The following TTN variants were observed in gnomAD, a reference collection of about 807,000 sequenced individuals.
The protein encoded by TTN is connectin.
TTN carries 1,525 observed loss-of-function variants against 3,223.0 expected under a neutral mutation model. The observed-to-expected ratio is 0.47, with a 90% CI of 0.45 to 0.49. The LOEUF (loss-of-function observed/expected upper bound fraction) is 0.49. TTN is among the 20% of genes least tolerant of loss of function. TTN has a pLI of 0.00. For synonymous variants in TTN, 14,094 were observed against 15,161.0 expected, an observed-to-expected ratio of 0.93 and a Z score of 5.17; for missense variants, 40,786 against 43,424.0, an observed-to-expected ratio of 0.94 and a Z score of 5.40.
In TTN at chr2:178,555,042, CAAT is replaced by C; in HGVS notation, c.88414_88416del (p.Ile29472del). On this transcript the variant is annotated inframe_deletion, in exon 331 of 363. Coordinates refer to ENST00000589042, the MANE Select transcript of TTN (RefSeq NM_001267550.2). ...AATTCTTTATCATCTTTATACCACT[CAAT>C]AGTAGGCGCAGGTTTGCCAGAAATG... The C allele has an allele frequency of 6.2e-7, 1 of 1,613,692 alleles. No homozygotes were observed. Among genetic ancestry groups the C allele is most frequent in the South Asian group, 1.1e-5 (1 of 91,072 alleles).
At position 178,535,204 on chromosome 2, in the gene TTN, A is replaced by T; in HGVS notation, c.101411T>A (p.Met33804Lys). The T allele has an allele frequency of 3.7e-6, 6 of 1,613,944 alleles. No individual in the cohort carries two copies. Among genetic ancestry groups the T allele is most frequent in the Non-Finnish European group, 5.1e-6 (6 of 1,179,852 alleles). ...EEVDETREVS[M>K]TKASHSSTKE... ...GGTTGAAGAGTGAGATGCTTTAGTC[A>T]TGGAGACTTCCCTGGTTTCATCTAC... Residue 33804 changes from methionine to lysine, a missense_variant, in exon 358 of 363, where the codon ATG becomes AAG. Met to Lys is a moderately conservative substitution (Grantham distance 95). Coordinates refer to ENST00000589042, the MANE Select transcript of TTN (RefSeq NM_001267550.2).
intron 79 of TTN, 115 bp downstream of exon 79, chr2:178,720,806 G>C: frequency 7.2e-7 from 1 of 1,390,828 alleles, no homozygotes; most frequent in Non-Finnish European, 9.5e-7. Context: ...ATTAAAACTT[G>C]TTGAAGAATT....
intron 203 of TTN, 41 bp downstream of exon 203, chr2:178,652,223 C>T: frequency 6.2e-7 from 1 of 1,612,694 alleles, no homozygotes. Flanking sequence ...AAAGTAAAGA[C>T]AAACAAACAA....
Position 178,734,764 on chromosome 2 carries a change from A to G in TTN, c.15160T>C (p.Cys5054Arg). The change falls in exon 51 of 363, where the codon TGT becomes CGT. Residue 5054 changes from cysteine to arginine, a missense_variant. Transcript: ENST00000589042. ...CTGCCGACGTCATTCACTGCTTCAC[A>G]TGAGTAACTCCCACTGTCTTCAACT... ...VKVEDSGSYS[C>R]EAVNDVGSDS... 6.2e-7 allele frequency: 1 copy of G among 1,613,624 alleles called. No individual in the cohort carries two copies. The highest frequency in any genetic ancestry group is 8.5e-7 in the Non-Finnish European group (1 of 1,179,640).
intron 69 of TTN, chr2:178,726,580 A>T (rs528588158): frequency 6.6e-6 from 1 of 152,606 alleles, no homozygotes; most frequent in Admixed American, 6.6e-5. Flanking sequence ...CACAGATACT[A>T]TTTGTACCAA....
chr2:178,800,786 C>T (rs1480992271), intron 3 of TTN, 104 bp from the exon 4 acceptor site: 1 of 1,293,318 alleles, frequency 7.7e-7, no homozygotes, highest in Non-Finnish European at 1.1e-6. Context: ...TGATGACTCG[C>T]CAATCTAAAC....
At chr2:178,804,515 A>AG in intron 2 of TTN, 37 bp downstream of exon 2, 1 of 1,593,758 alleles carries the variant, frequency 6.3e-7, no homozygotes, top group Non-Finnish European at 8.6e-7. Context: ...GAGGAGGCAA[A>AG]GGAAAAAAAA....
intron 10 of TTN, 134 bp downstream of exon 10, chr2:178,791,938 A>G (rs2093526292): frequency 1.1e-6 from 1 of 895,550 alleles, no homozygotes; most frequent in Admixed American, 2.7e-5. Context: ...TCAATACTAG[A>G]CATAGAGGAA....
Position 178,577,330 on chromosome 2 carries a change from G to A in TTN, c.69005C>T (p.Ser23002Phe), listed in dbSNP as rs1469065762. 5 of 1,612,860 alleles carry A rather than the reference G, an allele frequency of 3.1e-6. No homozygotes were observed. In the South Asian group the frequency reaches 4.4e-5, roughly 14 times the overall value. Residue 23002 changes from serine to phenylalanine, a missense_variant, in exon 324 of 363, where the codon TCT (serine) becomes TTT (phenylalanine). Coordinates refer to ENST00000589042, the MANE Select transcript of TTN (RefSeq NM_001267550.2). ...DITQITSTPT[S>F]SMLTIKYATR... ...GGCATACTTGATAGTAAGCATGGAA[G>A]ATGTTGGGGTTGAAGTTATCTGAGT... is the stretch of plus-strand genomic sequence containing the variant.
In TTN at chr2:178,558,608, C is replaced by A; in HGVS notation, c.86851G>T (p.Val28951Leu). 6.2e-7 allele frequency: 1 copy of A among 1,612,352 alleles called. No individual in the cohort carries two copies. Among genetic ancestry groups the A allele is most frequent in the Non-Finnish European group, 8.5e-7 (1 of 1,179,530 alleles). Residue 28951 changes from valine to leucine, a missense_variant, in exon 327 of 363, where the codon GTA (valine) becomes TTA (leucine). Coordinates refer to ENST00000589042, the MANE Select transcript of TTN (RefSeq NM_001267550.2). ...EKPSPPEKLG[V>L]TSISKDSVSL... Reference sequence around the variant, plus strand: ...ACACTGTCTTTGGATATACTTGTTACTCCAAGTTTTTCAGGTGGGCTTGGT... The same window carrying A: ...ACACTGTCTTTGGATATACTTGTTAATCCAAGTTTTTCAGGTGGGCTTGGT...
chr2:178,765,198 G>A (rs1176842657), intron 41 of TTN, among the ~76,000 whole-genome samples: 1 of 152,188 alleles, frequency 6.6e-6, no homozygotes, highest in South Asian at 2.1e-4. Flanking sequence ...GTGGTGAAGA[G>A]GCTCATATCA....
rs1060500416 is a variant in TTN, at chr2:178,603,987, G to T, written c.54700C>A (p.Pro18234Thr). The T allele has an allele frequency of 6.2e-7, 1 of 1,612,616 alleles. No individual in the cohort carries two copies. The highest frequency in any genetic ancestry group is 1.3e-5 in the African/African-American group (1 of 74,792). Residue 18234 changes from proline to threonine, a missense_variant, in exon 282 of 363, where the codon CCT becomes ACT. Pro to Thr is a conservative substitution (Grantham distance 38). Coordinates refer to ENST00000589042, the MANE Select transcript of TTN (RefSeq NM_001267550.2). The part of the protein sequence containing the change: ...VGLKGVEFNV[P>T]RLLEGVKYQF... Reference sequence around the variant, plus strand: ...TATTTAACGCCTTCAAGCAAACGAGGAACATTAAATTCCACGCCTTTCAAT... The same window carrying T: ...TATTTAACGCCTTCAAGCAAACGAGTAACATTAAATTCCACGCCTTTCAAT...
intron 47 of TTN, chr2:178,747,141 G>C: frequency 1.2e-6 from 2 of 1,605,944 alleles, no homozygotes; most frequent in Non-Finnish European, 1.7e-6. Context: ...TCTCCTGGGG[G>C]TGTGGAATAT....
In TTN at chr2:178,649,534, G is replaced by T. The variant is rs1156423023; in HGVS notation, c.39973+20C>A. 6.5e-7 allele frequency: 1 copy of T among 1,544,160 alleles called. No homozygotes were observed. Among genetic ancestry groups the T allele is most frequent in the Non-Finnish European group, 8.7e-7 (1 of 1,142,996 alleles). ...ATCAGAATACTTTCTTTTTTATGAT[G>T]CCAACGATGAAGTGAATACCTTTAG... is the stretch of plus-strand genomic sequence containing the variant. On this transcript the variant is annotated intron_variant, in intron 212 of 362. Coordinates refer to ENST00000589042, the MANE Select transcript of TTN (RefSeq NM_001267550.2).
chr2:178,733,921 A>T lies in TTN; in HGVS notation c.15497-29T>A, dbSNP rs6736308. ...GTTAAGGAAAGAGAGCATATAAAAC[A>T]TATCAATTCCCAAACACTTTCAACA... On this transcript the variant is annotated intron_variant, in intron 52 of 362. Coordinates refer to ENST00000589042, the MANE Select transcript of TTN (RefSeq NM_001267550.2). 8.0e-5 allele frequency: 123 copies of T among 1,536,370 alleles called. No individual in the cohort carries two copies. In the African/African-American group the frequency reaches 1.6e-3, roughly 20 times the overall value.
intron 214 of TTN, 90 bp downstream of exon 214, chr2:178,647,287 TACAG>T (rs2062164272): frequency 3.5e-6 from 5 of 1,422,716 alleles, no homozygotes; most frequent in Non-Finnish European, 4.8e-6. Context: ...ATAACTTCAA[TACAG>T]ACAGACAAAT....
Position 178,592,178 on chromosome 2 carries a change from A to G in TTN, c.59726T>C (p.Ile19909Thr), listed in dbSNP as rs775088892. The stretch of plus-strand genomic sequence containing the variant: ...TCTCCTCTCAACCACATAATTGGTA[A>G]TAACAGAACCACCATCATCCAGTGG... ...KEPLDDGGSV[I>T]TNYVVERRDV... Residue 19909 changes from isoleucine (I) to threonine (T), a missense_variant, in exon 302 of 363, where the codon ATT (isoleucine) becomes ACT (threonine). Transcript: ENST00000589042. 8.1e-6 allele frequency: 13 copies of G among 1,612,656 alleles called. No individual in the cohort carries two copies. The highest frequency in any genetic ancestry group is 1.1e-5 in the Non-Finnish European group (13 of 1,179,424).
chr2:178,633,092 G>T, intron 233 of TTN, 48 bp from the exon 234 acceptor site: 1 of 1,602,876 alleles, frequency 6.2e-7, no homozygotes, highest in South Asian at 1.1e-5. Context: ...CATTTATATA[G>T]TTATTCCTAC....
In TTN at chr2:178,547,391, T is replaced by C. The variant is rs1251363608; in HGVS notation, c.94219+16A>G. 1.9e-6 allele frequency: 3 copies of C among 1,585,254 alleles called. No homozygotes were observed. In the South Asian group the frequency reaches 3.5e-5, roughly 18 times the overall value. On this transcript the variant is annotated intron_variant, in intron 339 of 362. Transcript: ENST00000589042. ...TAATAATAGAGACTTTGAAATAGGA[T>C]TTTTATTTTTCTTACCAAATGGATG...
Sources: allele counts gnomAD v4.1 joint callset (sites outside exome capture counted in the v4.1 genomes callset), GRCh38; gene constraint gnomAD v4.1.1; transcripts MANE v1.5; gene names NCBI Gene and HGNC (gene_info 2026-07-23, HGNC 2026-07-21).